The following ITGBL1 variants were observed in gnomAD, a reference collection of about 807,000 sequenced individuals.
ITGBL1 encodes integrin beta-like protein 1.
In ITGBL1, 51 loss-of-function variants were observed where a neutral mutation model predicts 68.5. That is an observed-to-expected ratio of 0.74 (90% CI 0.59 to 0.94). The LOEUF (loss-of-function observed/expected upper bound fraction) is 0.94. Ranked by LOEUF, ITGBL1 falls within the 40% of genes least tolerant of loss-of-function variation. ITGBL1 has a pLI of 0.00. For missense variants in ITGBL1, 649 were observed against 647.4 expected (o/e 1.00, Z -0.03); for synonymous variants, 209 against 227.3 (o/e 0.92, Z 0.72).
intron 2 of ITGBL1, among the ~76,000 whole-genome samples, chr13:101,459,305 T>C (rs2048286561): frequency 3.9e-5 from 6 of 152,246 alleles, no homozygotes; most frequent in South Asian, 4.1e-4. Context: ...TTACCTGATA[T>C]TTAGTGCCTT....
rs2048183712 is a variant in ITGBL1 at position 101,452,875 on chromosome 13, C to T, written c.42C>T (p.Ser14=). The T allele has an allele frequency of 2.5e-6, 4 of 1,614,088 alleles. No homozygotes were observed. The highest frequency in any genetic ancestry group is 1.7e-5 in the Admixed American group (1 of 60,006). ...TCAGGAACTTCTTGCTGCTGGCGTC[C>T]TCCCTTCTCTTTGCTGGGTTGTCAG... The part of the protein sequence containing the change: ...PGFRNFLLLA[S]SLLFAGLSAV... Residue 14 remains serine, a synonymous_variant, in exon 1 of 11, where the codon TCC becomes TCT. Transcript: ENST00000376180.
intron 2 of ITGBL1, among the ~76,000 whole-genome samples, chr13:101,527,163 C>T (rs1594867194): frequency 6.6e-6 from 1 of 152,108 alleles, no homozygotes; most frequent in South Asian, 2.1e-4. Context: ...GCATATTGCC[C>T]ATACATGCAT....
chr13:101,474,070 G>A (rs1338608785), intron 2 of ITGBL1, among the ~76,000 whole-genome samples: 1 of 152,192 alleles, frequency 6.6e-6, no homozygotes, highest in African/African-American at 2.4e-5. Context: ...AGAAAGAAAA[G>A]TAAAGGGGAC....
chr13:101,468,394 A>T (rs1048753235), intron 2 of ITGBL1, among the ~76,000 whole-genome samples: 1 of 152,210 alleles, frequency 6.6e-6, no homozygotes, highest in East Asian at 1.9e-4. Flanking sequence ...TGAGTATAGT[A>T]TGCTGGAAAA....
intron 2 of ITGBL1, among the ~76,000 whole-genome samples, chr13:101,475,601 C>A (rs2048524422): frequency 6.6e-6 from 1 of 151,832 alleles, no homozygotes; most frequent in South Asian, 2.1e-4. Flanking sequence ...TAGATTTAAC[C>A]CAAATAAGAC....
intron 7 of ITGBL1, among the ~76,000 whole-genome samples, chr13:101,625,646 G>A (rs1480669844): frequency 6.6e-6 from 1 of 151,814 alleles, no homozygotes; most frequent in East Asian, 1.9e-4. Context: ...TCTGTCTCCT[G>A]GGTTCAAGCG....
At position 101,462,142 on chromosome 13, in the gene ITGBL1, G is replaced by A. The variant is rs114773374; in HGVS notation, c.316+8042G>A. Among the ~76,000 whole-genome samples, 461 of 152,220 alleles carry A rather than the reference G, an allele frequency of 3.0e-3. 2 individuals carry two copies. Among genetic ancestry groups the A allele is most frequent in the African/African-American group, 0.01 (435 of 41,540 alleles). On this transcript the variant is annotated intron_variant, in intron 2 of 10. Transcript: ENST00000376180. Reference sequence around the variant, plus strand: ...ACCCCACTCCCAAATCTCAAAACTGGAAACAGGTTGTGAGACCTTTCTCAC... The same window carrying A: ...ACCCCACTCCCAAATCTCAAAACTGAAAACAGGTTGTGAGACCTTTCTCAC...
chr13:101,513,602 C>A (rs1345681597), intron 2 of ITGBL1, among the ~76,000 whole-genome samples: 3 of 152,032 alleles, frequency 2.0e-5, no homozygotes, highest in African/African-American at 7.2e-5. Flanking sequence ...TCCTTAAAAT[C>A]ATTTTCATTA....
chr13:101,603,379 G>T (rs970874027), intron 7 of ITGBL1, among the ~76,000 whole-genome samples: 6 of 151,882 alleles, frequency 4.0e-5, no homozygotes, highest in African/African-American at 1.4e-4. Context: ...GGAGGAGTAG[G>T]ATATGGGTAT....
At chr13:101,544,414 G>T (rs1196974702) in intron 2 of ITGBL1, among the ~76,000 whole-genome samples, 1 of 152,186 alleles carries the variant, frequency 6.6e-6, no homozygotes, top group Non-Finnish European at 1.5e-5. Flanking sequence ...TCCTCTGGAA[G>T]TTTTGTCTCA....
intron 4 of ITGBL1, 111 bp downstream of exon 4, chr13:101,575,657 A>G: frequency 1.9e-6 from 2 of 1,033,024 alleles, no homozygotes; most frequent in African/African-American, 1.6e-5. Context: ...AATGTAGTTT[A>G]AACCTATGTT....
At chr13:101,454,530 A>T (rs2048214996) in intron 2 of ITGBL1, among the ~76,000 whole-genome samples, 1 of 152,016 alleles carries the variant, frequency 6.6e-6, no homozygotes, top group Non-Finnish European at 1.5e-5. Context: ...ACTTGCCTCT[A>T]AAGTTCCTCA....
intron 7 of ITGBL1, among the ~76,000 whole-genome samples, chr13:101,614,374 C>T (rs910037633): frequency 7.2e-5 from 11 of 152,142 alleles, no homozygotes; most frequent in Admixed American, 2.6e-4. Context: ...GTTACCACAA[C>T]AGTACTAATT....
chr13:101,660,641 G>A (rs1022449415), intron 7 of ITGBL1, among the ~76,000 whole-genome samples: 7 of 152,120 alleles, frequency 4.6e-5, no homozygotes, highest in African/African-American at 1.7e-4. Flanking sequence ...TTTTGGGGAA[G>A]GGCTATTATC....
chr13:101,456,350 G>A (rs952299579), intron 2 of ITGBL1, among the ~76,000 whole-genome samples: 6 of 152,202 alleles, frequency 3.9e-5, no homozygotes, highest in South Asian at 2.1e-4. Flanking sequence ...ATCCCTACAA[G>A]TAGCACCTAG....
intron 3 of ITGBL1, among the ~76,000 whole-genome samples, chr13:101,572,808 G>C (rs1309605628): frequency 6.6e-6 from 1 of 152,010 alleles, no homozygotes; most frequent in Non-Finnish European, 1.5e-5. Flanking sequence ...GGCAGAGGCT[G>C]TTCCTTCCCA....
At chr13:101,473,095 C>A (rs1054859908) in intron 2 of ITGBL1, among the ~76,000 whole-genome samples, 1 of 152,122 alleles carries the variant, frequency 6.6e-6, no homozygotes, top group Non-Finnish European at 1.5e-5. Context: ...GGAAGTGGAA[C>A]AAGATAGCCA....
intron 8 of ITGBL1, among the ~76,000 whole-genome samples, chr13:101,702,830 C>G (rs2034166110): frequency 6.6e-6 from 1 of 152,140 alleles, no homozygotes; most frequent in Non-Finnish European, 1.5e-5. Flanking sequence ...TCTTTAAGGA[C>G]ATCTGGACTT....
intron 7 of ITGBL1, among the ~76,000 whole-genome samples, chr13:101,613,596 A>G (rs1485042423): frequency 6.6e-6 from 1 of 152,152 alleles, no homozygotes; most frequent in Non-Finnish European, 1.5e-5. Flanking sequence ...CCACATGACA[A>G]CTCAGGGAAG....
Sources: gnomAD v4.1 joint callset for allele counts (sites outside exome capture counted in the v4.1 genomes callset) on GRCh38, gnomAD v4.1.1 for gene constraint, MANE v1.5 for transcripts, NCBI Gene and HGNC (gene_info 2026-07-23, HGNC 2026-07-21) for gene names.